PVT1: variants seen among roughly 807,000 people sequenced by gnomAD.
PVT1 encodes Pvt1 oncogene, also known as CXCR4/PVT1 fusion.
intron 3 of PVT1, among the ~76,000 whole-genome samples, chr8:127,945,146 TAAC>T (rs1816404706): frequency 6.6e-6 from 1 of 152,184 alleles, no homozygotes; most frequent in Admixed American, 6.5e-5. Context: ...AAGGGCCAGT[TAAC>T]CATTCCCCTG....
At chr8:127,887,073 A>T (rs765874450) in intron 2 of PVT1, among the ~76,000 whole-genome samples, 1 of 152,230 alleles carries the variant, frequency 6.6e-6, no homozygotes, top group Non-Finnish European at 1.5e-5. Flanking sequence ...GGGCTACTCC[A>T]TACAAACTTG....
At chr8:127,884,635 G>C (rs1815504631) in intron 2 of PVT1, among the ~76,000 whole-genome samples, 1 of 152,194 alleles carries the variant, frequency 6.6e-6, no homozygotes, top group African/African-American at 2.4e-5. Context: ...CCAATTATTG[G>C]CATTGTGTGG....
At chr8:127,847,624 G>A (rs1207217175) in intron 2 of PVT1, among the ~76,000 whole-genome samples, 1 of 152,214 alleles carries the variant, frequency 6.6e-6, no homozygotes, top group African/African-American at 2.4e-5. Flanking sequence ...CATTGTGCTA[G>A]GCAAGATGCG....
chr8:128,084,805 C>T (rs1051366600), intron 5 of PVT1, among the ~76,000 whole-genome samples: 3 of 152,138 alleles, frequency 2.0e-5, no homozygotes, highest in Non-Finnish European at 4.4e-5. Context: ...TTTGAGGTTC[C>T]AAAGTGAATA....
intron 2 of PVT1, among the ~76,000 whole-genome samples, chr8:127,879,217 G>A (rs148384600): frequency 1.3e-5 from 2 of 152,282 alleles, no homozygotes; most frequent in Non-Finnish European, 2.9e-5. Context: ...CAAAGGCAAG[G>A]CAGACTAGTG....
At chr8:127,915,017 G>T (rs1815965479) in intron 3 of PVT1, among the ~76,000 whole-genome samples, 1 of 151,872 alleles carries the variant, frequency 6.6e-6, no homozygotes, top group African/African-American at 2.4e-5. Context: ...TAGAGATGGG[G>T]TTTCACCATG....
intron 2 of PVT1, among the ~76,000 whole-genome samples, chr8:127,813,251 A>G (rs1814621710): frequency 6.9e-6 from 1 of 145,524 alleles, no homozygotes; most frequent in Non-Finnish European, 1.5e-5. Flanking sequence ...ATATACAAAT[A>G]TATATAATAT....
chr8:127,932,970 CA>C (rs1816228107), intron 3 of PVT1, among the ~76,000 whole-genome samples: 1 of 152,200 alleles, frequency 6.6e-6, no homozygotes, highest in Admixed American at 6.5e-5. Flanking sequence ...CAGTTCTTTT[CA>C]TGGGTTATCT....
intron 3 of PVT1, among the ~76,000 whole-genome samples, chr8:127,915,251 A>G (rs1223364074): frequency 2.6e-5 from 4 of 152,136 alleles, no homozygotes; most frequent in African/African-American, 4.8e-5. Context: ...AATGGTTAAT[A>G]TTACTTTATG....
intron 5 of PVT1, among the ~76,000 whole-genome samples, chr8:128,081,411 G>A (rs1179670435): frequency 6.6e-6 from 1 of 152,194 alleles, no homozygotes; most frequent in Non-Finnish European, 1.5e-5. Flanking sequence ...ACACCAAGGA[G>A]CGCAATTATT....
chr8:127,897,903 A>AAAG (rs1815705825), intron 3 of PVT1, among the ~76,000 whole-genome samples: 1 of 142,724 alleles, frequency 7.0e-6, no homozygotes, highest in Non-Finnish European at 1.5e-5. Flanking sequence ...AAGAAAGAAA[A>AAAG]AAAGACAGAC....
intron 3 of PVT1, among the ~76,000 whole-genome samples, chr8:127,914,953 G>A (rs1815964482): frequency 6.6e-6 from 1 of 151,826 alleles, no homozygotes; most frequent in Non-Finnish European, 1.5e-5. Context: ...AGCCTCCTGA[G>A]CGGTTAGGGT....
chr8:127,839,573 T>TGAAAAAAAAAAAAAAAAAAAAAAAA, intron 2 of PVT1, among the ~76,000 whole-genome samples: 2 of 120,832 alleles, frequency 1.7e-5, no homozygotes, highest in Non-Finnish European at 3.5e-5. Context: ...AAAAAAAAAA[T>TGAAAAAAAAAAAAAAAAAAAAAAAA]GAAAAAAAAA....
At chr8:127,929,932 G>A (rs1816183266) in intron 3 of PVT1, among the ~76,000 whole-genome samples, 1 of 152,210 alleles carries the variant, frequency 6.6e-6, no homozygotes, top group Non-Finnish European at 1.5e-5. Flanking sequence ...TTACGTATCT[G>A]TGTCAGCTTC....
intron 2 of PVT1, among the ~76,000 whole-genome samples, chr8:127,857,915 G>A (rs763918209): frequency 9.2e-5 from 14 of 152,284 alleles, no homozygotes; most frequent in African/African-American, 1.2e-4. Flanking sequence ...GCTCTGATTC[G>A]TATGGTGGAG....
chr8:127,981,537 G>A (rs918652918), intron 3 of PVT1, among the ~76,000 whole-genome samples: 1 of 152,202 alleles, frequency 6.6e-6, no homozygotes, highest in Non-Finnish European at 1.5e-5. Context: ...CTGGCGGGAA[G>A]GGAGGTTTTT....
chr8:127,943,212 C>T (rs1346375558), intron 3 of PVT1, among the ~76,000 whole-genome samples: 1 of 152,214 alleles, frequency 6.6e-6, no homozygotes, highest in East Asian at 1.9e-4. Flanking sequence ...AAGTCTGACA[C>T]ATAGTAGCCT....
intron 3 of PVT1, among the ~76,000 whole-genome samples, chr8:127,956,517 G>A (rs1298779757): frequency 6.6e-6 from 1 of 152,210 alleles, no homozygotes; most frequent in Non-Finnish European, 1.5e-5. Flanking sequence ...ACGAAGTCTC[G>A]CTCTGTTGCC....
intron 3 of PVT1, among the ~76,000 whole-genome samples, chr8:127,952,316 A>C (rs2129928834): frequency 6.6e-6 from 1 of 152,332 alleles, no homozygotes; most frequent in Non-Finnish European, 1.5e-5. Flanking sequence ...GTCTCAGCAG[A>C]GCTGGAGGAA....
Sources: allele counts gnomAD v4.1 joint callset (sites outside exome capture counted in the v4.1 genomes callset), GRCh38; gene constraint gnomAD v4.1.1; transcripts MANE v1.5; gene names NCBI Gene and HGNC (gene_info 2026-07-23, HGNC 2026-07-21).